FERMT2: variants seen among roughly 807,000 people sequenced by gnomAD.
FERMT2 encodes FERM domain containing kindlin 2.
Under a neutral mutation model 82.7 loss-of-function variants are expected in FERMT2, and 15 were observed. The observed-to-expected ratio is 0.18, with a 90% CI of 0.12 to 0.28. FERMT2 has a LOEUF of 0.28. Ranked by LOEUF, FERMT2 falls within the 10% of genes least tolerant of loss-of-function variation. The pLI, the probability that FERMT2 is intolerant of heterozygous loss-of-function variation, is 1.00. For synonymous variants in FERMT2, 274 were observed against 271.5 expected (o/e 1.01, Z -0.09); for missense variants, 645 against 809.4 (o/e 0.80, Z 2.46).
chr14:52,914,721 A>G (rs1888522706), intron 3 of FERMT2, among the ~76,000 whole-genome samples: 1 of 152,156 alleles, frequency 6.6e-6, no homozygotes, highest in Non-Finnish European at 1.5e-5. Context: ...AGAGTTCCAG[A>G]CCAGCCTGGC....
rs547588647 is a variant in FERMT2 at position 52,888,945 on chromosome 14, C to T, written c.526+4348G>A. On this transcript the variant is annotated intron_variant, in intron 4 of 14. Transcript: ENST00000341590. The stretch of plus-strand genomic sequence containing the variant: ...GCATCTCTGGCCACTGACGTATTTG[C>T]TAAAATTATGGGTCTGTGTGTACTC... 2.0e-5 allele frequency among the ~76,000 whole-genome samples: 3 copies of T among 152,088 alleles called. No individual in the cohort carries two copies. The East Asian group carries it at 5.8e-4, about 29-fold the overall frequency.
chr14:52,912,670 C>T (rs900979988), intron 3 of FERMT2, among the ~76,000 whole-genome samples: 11 of 151,872 alleles, frequency 7.2e-5, no homozygotes, highest in South Asian at 2.1e-4. Context: ...CCACCATGCC[C>T]GGCTACTTTT....
At chr14:52,905,180 C>T (rs1887929088) in intron 3 of FERMT2, among the ~76,000 whole-genome samples, 1 of 109,996 alleles carries the variant, frequency 9.1e-6, no homozygotes, top group African/African-American at 3.0e-5. Flanking sequence ...CAGAGCGAGA[C>T]TCCATCTCAA....
chr14:52,937,892 T>A lies in FERMT2; in HGVS notation c.157+12520A>T, dbSNP rs60250379. On this transcript the variant is annotated intron_variant, in intron 2 of 14. Coordinates refer to ENST00000341590, the MANE Select transcript of FERMT2 (RefSeq NM_006832.3). ...CATTAAGGATCCTCAATAAATTTACTGCCCAAACTCCAAAAGGATCCTCAA... is the reference window on the plus strand; with the variant it reads ...CATTAAGGATCCTCAATAAATTTACAGCCCAAACTCCAAAAGGATCCTCAA... Among the ~76,000 whole-genome samples the A allele has an allele frequency of 9.2e-3, 1,403 of 152,348 alleles. 21 individuals carry two copies. Among genetic ancestry groups the A allele is most frequent in the African/African-American group, 0.032 (1,319 of 41,576 alleles).
chr14:52,893,124 G>A lies in FERMT2; in HGVS notation c.526+169C>T, dbSNP rs1194448165. 3.3e-5 allele frequency among the ~76,000 whole-genome samples: 5 copies of A among 152,178 alleles called. No individual in the cohort carries two copies. In the South Asian group the frequency reaches 1.0e-3, roughly 32 times the overall value. On this transcript the variant is annotated intron_variant, in intron 4 of 14. Transcript: ENST00000341590. ...CGATTCTTCTGCCTCAGCCTCCCAA[G>A]TAGCTGGGACTACAGGTGTGTGCCA...
rs1885576157 is a variant in FERMT2, at chr14:52,870,853, C to T, written c.1273+1946G>A. Among the ~76,000 whole-genome samples the T allele has an allele frequency of 2.0e-5, 3 of 152,146 alleles. No individual in the cohort carries two copies. In the South Asian group the frequency reaches 6.2e-4, roughly 31 times the overall value. ...TTAGGAATATGAATCAGGAAAAGCA[C>T]CTCTGTGTTTTAAGTGTTAAATGAA... On this transcript the variant is annotated intron_variant, in intron 10 of 14. Transcript: ENST00000341590.
At position 52,865,001 on chromosome 14, in the gene FERMT2, A is replaced by G. The variant is rs1885182878; in HGVS notation, c.1274-148T>C. On this transcript the variant is annotated intron_variant, in intron 10 of 14. Transcript: ENST00000341590. Reference sequence around the variant, plus strand: ...GCATCTGCTGCAGAAGGTAACATACACATATACTTGGGAAGCTGGAATGAA... The same window carrying G: ...GCATCTGCTGCAGAAGGTAACATACGCATATACTTGGGAAGCTGGAATGAA... 6 of 601,790 alleles carry G rather than the reference A, an allele frequency of 1.0e-5. No homozygotes were observed. The Middle Eastern group carries it at 1.3e-3, about 133-fold the overall frequency. 37.3% of individuals were successfully genotyped at this position (601,790 alleles called of 1,614,324 possible). A position where few individuals can be genotyped will look rare whatever the true frequency, so the allele number is the denominator to read the frequency against.
chr14:52,884,871 G>A (rs1886500054), intron 4 of FERMT2, among the ~76,000 whole-genome samples: 1 of 151,620 alleles, frequency 6.6e-6, no homozygotes, highest in South Asian at 2.1e-4. Flanking sequence ...GTGTGGTGGT[G>A]CACGCCTATA....
intron 2 of FERMT2, among the ~76,000 whole-genome samples, chr14:52,931,372 C>T (rs918636070): frequency 6.6e-6 from 1 of 152,182 alleles, no homozygotes; most frequent in African/African-American, 2.4e-5. Context: ...TTCAAATGTG[C>T]TAAGAGAAAC....
chr14:52,864,833 C>T lies in FERMT2; in HGVS notation c.1294G>A (p.Val432Ile), dbSNP rs140754724. Reference protein sequence around the residue: ...NLRGCEVTPDVNISGQKFNIK... With the variant: ...NLRGCEVTPDINISGQKFNIK... The stretch of plus-strand genomic sequence containing the variant: ...TTAAATTTTTGGCCTGAAATGTTTA[C>T]ATCTGGGGTAACTTCACATCCTGTA... The change falls in exon 11 of 15, where the codon GTA becomes ATA. Residue 432 changes from valine to isoleucine, a missense_variant. By Grantham distance (29) the Val-to-Ile change is conservative. Transcript: ENST00000341590. 5.6e-6 allele frequency: 9 copies of T among 1,607,610 alleles called. No homozygotes were observed. The highest frequency in any genetic ancestry group is 2.7e-5 in the African/African-American group (2 of 74,760).
rs1326270014 is a variant in FERMT2 at position 52,881,050 on chromosome 14, C to A, written c.841G>T (p.Asp281Tyr). The change falls in exon 6 of 15, where the codon GAT (aspartate) becomes TAT (tyrosine). Residue 281 changes from aspartate (D) to tyrosine (Y), a missense_variant. Physicochemically the swap from Asp to Tyr is radical, Grantham distance 160. Transcript: ENST00000341590. ...ACCCTCGGTACCTTTGGATTCAAAT[C>A]AAAAAAGCTGTAATACTTGAATCGG... ...LLRFKYYSFF[D>Y]LNPKYDAIRI... 2.5e-6 allele frequency: 4 copies of A among 1,608,306 alleles called. No individual in the cohort carries two copies. Among genetic ancestry groups the A allele is most frequent in the Non-Finnish European group, 3.4e-6 (4 of 1,177,048 alleles).
chr14:52,902,315 C>A (rs1047597475), intron 3 of FERMT2, among the ~76,000 whole-genome samples: 1 of 151,804 alleles, frequency 6.6e-6, no homozygotes, highest in Non-Finnish European at 1.5e-5. Context: ...ATTGCTTGAA[C>A]CTAGGAGGCG....
At chr14:52,937,186 AT>A (rs1413016877) in intron 2 of FERMT2, among the ~76,000 whole-genome samples, 14 of 152,018 alleles carry the variant, frequency 9.2e-5, no homozygotes, top group African/African-American at 3.4e-4. Context: ...AATAATGATA[AT>A]AATAATAAAG....
intron 12 of FERMT2, among the ~76,000 whole-genome samples, chr14:52,864,145 T>G (rs1201032661): frequency 6.6e-6 from 1 of 152,208 alleles, no homozygotes; most frequent in Non-Finnish European, 1.5e-5. Flanking sequence ...GCATTATACT[T>G]ACCAGTTGAG....
intron 2 of FERMT2, among the ~76,000 whole-genome samples, chr14:52,924,518 T>G (rs12882597): frequency 0.82 from 124,129 of 152,064 alleles, 51,027 homozygotes; most frequent in East Asian, 1. Context: ...TTTTAAGCAG[T>G]AGTCACTTGT....
chr14:52,917,376 T>C (rs562695033), intron 3 of FERMT2, among the ~76,000 whole-genome samples: 1 of 152,264 alleles, frequency 6.6e-6, no homozygotes, highest in South Asian at 2.1e-4. Context: ...GAAGTTAGGA[T>C]AATGAGACTC....
At chr14:52,949,706 T>C (rs536525663) in intron 2 of FERMT2, among the ~76,000 whole-genome samples, 3 of 152,348 alleles carry the variant, frequency 2.0e-5, no homozygotes, top group Non-Finnish European at 4.4e-5. Context: ...CAATACATAT[T>C]TGTACTCAAG....
At chr14:52,886,401 G>C (rs1053909506) in intron 4 of FERMT2, among the ~76,000 whole-genome samples, 6 of 152,082 alleles carry the variant, frequency 3.9e-5, no homozygotes, top group African/African-American at 1.2e-4. Flanking sequence ...ATGCAGCAGT[G>C]TGACCACCCA....
rs555808877 is a variant in FERMT2 at position 52,919,412 on chromosome 14, A to G, written c.158-56T>C. On this transcript the variant is annotated intron_variant, in intron 2 of 14. Coordinates refer to ENST00000341590, the MANE Select transcript of FERMT2 (RefSeq NM_006832.3). Reference sequence around the variant, plus strand: ...TAAAAATCACCAAGGTGATTTTGAGAAATTAAAAGCAGAAAACTAGATAAT... The same window carrying G: ...TAAAAATCACCAAGGTGATTTTGAGGAATTAAAAGCAGAAAACTAGATAAT... 11 of 1,322,966 alleles carry G rather than the reference A, an allele frequency of 8.3e-6. No homozygotes were observed. The South Asian group carries it at 1.3e-4, about 16-fold the overall frequency. The allele number at this position is 1,322,966 out of a possible 1,614,324, so 82.0% of individuals were successfully genotyped here. A position where few individuals can be genotyped will look rare whatever the true frequency, so the allele number is the denominator to read the frequency against.
Sources: gnomAD v4.1 joint callset for allele counts (sites outside exome capture counted in the v4.1 genomes callset) on GRCh38, gnomAD v4.1.1 for gene constraint, MANE v1.5 for transcripts, NCBI Gene and HGNC (gene_info 2026-07-23, HGNC 2026-07-21) for gene names.